The following SLC25A51 variants were observed in gnomAD, a reference collection of about 807,000 sequenced individuals.
SLC25A51 encodes solute carrier family 25 member 51.
Under a neutral mutation model 19.1 loss-of-function variants are expected in SLC25A51, and 11 were observed. That is an observed-to-expected ratio of 0.58 (90% CI 0.36 to 0.96). SLC25A51 has a LOEUF of 0.96. Among genes scored for constraint, SLC25A51 ranks in the 40% least tolerant of loss-of-function variants. The pLI is 0.01. For synonymous variants in SLC25A51, 105 were observed against 133.6 expected (o/e 0.79, Z 1.47); for missense variants, 201 against 365.4 (o/e 0.55, Z 3.67).
chr9:37,879,210 A>C (rs1831306666), downstream of SLC25A51: 1 of 270,226 alleles, frequency 3.7e-6, no homozygotes, highest in Non-Finnish European at 7.8e-6. Context: ...TATTTGTGGC[A>C]GTGGCAGGCA....
At chr9:37,882,533 ACAAC>A (rs960793589) in intron 2 of SLC25A51, among the ~76,000 whole-genome samples, 7 of 152,366 alleles carry the variant, frequency 4.6e-5, no homozygotes, top group African/African-American at 9.6e-5. Context: ...TGGTGATTAC[ACAAC>A]CAACCATGTT....
At chr9:37,885,351 A>C (rs879824376), downstream of SLC25A51, among the ~76,000 whole-genome samples, 804 of 151,296 alleles carry the variant, frequency 5.3e-3, 10 homozygotes, top group Non-Finnish European at 9.6e-3. Flanking sequence ...ATAAAAAAAA[A>C]AAAAAAAAAA....
downstream of SLC25A51, among the ~76,000 whole-genome samples, chr9:37,882,680 C>G (rs1486782775): frequency 6.6e-6 from 1 of 152,150 alleles, no homozygotes; most frequent in Non-Finnish European, 1.5e-5. Context: ...GGGCTCATAC[C>G]ACTCTCAGTG....
intron 2 of SLC25A51, among the ~76,000 whole-genome samples, chr9:37,893,671 C>A (rs79074062): frequency 6.6e-6 from 1 of 152,114 alleles, no homozygotes; most frequent in Non-Finnish European, 1.5e-5. Context: ...GTTACTAATG[C>A]GGTTAGATTA....
At chr9:37,891,865 A>AAT (rs1554693908) in intron 2 of SLC25A51, among the ~76,000 whole-genome samples, 2 of 132,808 alleles carry the variant, frequency 1.5e-5, no homozygotes, top group Non-Finnish European at 3.3e-5. Flanking sequence ...AAAAAAAAAA[A>AAT]TTTTATATAT....
chr9:37,892,273 C>T (rs1831607705), intron 2 of SLC25A51, among the ~76,000 whole-genome samples: 2 of 152,192 alleles, frequency 1.3e-5, no homozygotes, highest in African/African-American at 4.8e-5. Context: ...CAGGACATGA[C>T]CCGTGGGCTC....
intron 2 of SLC25A51, among the ~76,000 whole-genome samples, chr9:37,896,729 G>A (rs1831723463): frequency 6.6e-6 from 1 of 152,218 alleles, no homozygotes; most frequent in African/African-American, 2.4e-5. Flanking sequence ...CCAGGAGGCG[G>A]AGGTTGCAGT....
downstream of SLC25A51, chr9:37,878,233 G>A (rs1831289845): frequency 5.8e-6 from 1 of 173,236 alleles, no homozygotes; most frequent in Non-Finnish European, 1.4e-5. Flanking sequence ...GATTACAGCA[G>A]GAAATGCAGT....
rs939736730 is a variant in SLC25A51 at position 37,880,240 on chromosome 9, G to A, written n.1031C>T. 8 of 150,594 alleles carry A rather than the reference G, an allele frequency of 5.3e-5. No homozygotes were observed. The East Asian group carries it at 1.4e-3, about 26-fold the overall frequency. The allele number at this position is 150,594 out of a possible 1,614,324, so 9.3% of individuals were successfully genotyped here. ...AGGCAGGAGAGTCGCCTGAACACAG[G>A]AGGCAGAGGGTGCAGTGAGCCAAGA... On this transcript the variant is annotated non_coding_transcript_exon_variant, in exon 4 of 4. Coordinates refer to the SLC25A51 transcript ENST00000496760.
At chr9:37,886,718 G>A (rs191634599), downstream of SLC25A51, among the ~76,000 whole-genome samples, 163 of 152,290 alleles carry the variant, frequency 1.1e-3, no homozygotes, top group Non-Finnish European at 1.9e-3. Context: ...AAACTCTGTC[G>A]TTTCATTATT....
intron 1 of SLC25A51, 87 bp from the exon 2 acceptor site, chr9:37,900,037 T>C (rs1215368790): frequency 7.5e-6 from 1 of 133,042 alleles, no homozygotes; most frequent in Non-Finnish European, 1.6e-5. Context: ...AGGGTCTCAC[T>C]ATGTTGTCAA....
intron 2 of SLC25A51, among the ~76,000 whole-genome samples, chr9:37,897,022 C>G (rs1831730432): frequency 6.6e-6 from 1 of 152,140 alleles, no homozygotes; most frequent in African/African-American, 2.4e-5. Flanking sequence ...GAATGACAGA[C>G]AGGACATGAC....
In SLC25A51 at chr9:37,888,319, G is replaced by A. The variant is rs375522315; in HGVS notation, c.232C>T (p.Arg78Ter). ...AILQLRRDGF[R>*]NLYRGILPPL... Reference sequence around the variant, plus strand: ...GGAAGGATTCCACGATACAAATTTCGAAATCCATCCCTTCTCAACTGAAGT... The same window carrying A: ...GGAAGGATTCCACGATACAAATTTCAAAATCCATCCCTTCTCAACTGAAGT... Residue 78 changes from arginine to a stop codon, truncating the protein, a stop_gained, in exon 3 of 3, where the codon CGA becomes TGA. Transcript: ENST00000242275. LOFTEE classifies it high-confidence loss of function. 3 of 1,614,072 alleles carry A rather than the reference G, an allele frequency of 1.9e-6. No individual in the cohort carries two copies. The highest frequency in any genetic ancestry group is 1.7e-6 in the Non-Finnish European group (2 of 1,180,036).
downstream of SLC25A51, chr9:37,885,953 C>A: frequency 1.2e-6 from 2 of 1,613,088 alleles, no homozygotes; most frequent in Non-Finnish European, 1.7e-6. Flanking sequence ...GGAACTAGAA[C>A]GGGACAACAG....
In SLC25A51 at chr9:37,888,362, G is replaced by A. The variant is rs759674617; in HGVS notation, c.189C>T (p.Ile63=). 1.4e-5 allele frequency: 23 copies of A among 1,614,148 alleles called. No individual in the cohort carries two copies. Among genetic ancestry groups the A allele is most frequent in the Non-Finnish European group, 1.9e-5 (23 of 1,180,058 alleles). Residue 63 remains isoleucine (I), a synonymous_variant, in exon 3 of 3, where the codon ATC becomes ATT. Coordinates refer to ENST00000242275, the MANE Select transcript of SLC25A51 (RefSeq NM_033412.4). ...ACTGAAGTATTGCATCCCGGGTTTT[G>A]ATGCCATACAGCTGTTGTCGAAAGA... The part of the protein sequence containing the change: ...KVLFRQQLYG[I]KTRDAILQLR...
At chr9:37,888,674 T>C in intron 2 of SLC25A51, 82 bp from the exon 3 acceptor site, 1 of 1,079,668 alleles carries the variant, frequency 9.3e-7, no homozygotes, top group African/African-American at 1.6e-5. Flanking sequence ...CATCCTCTAA[T>C]ATCTGGACAC....
chr9:37,895,909 G>A (rs1166699021), intron 2 of SLC25A51, among the ~76,000 whole-genome samples: 2 of 151,642 alleles, frequency 1.3e-5, no homozygotes, highest in Non-Finnish European at 2.9e-5. Flanking sequence ...TGCCTTCCTG[G>A]TTCAAGTGAT....
intron 2 of SLC25A51, among the ~76,000 whole-genome samples, chr9:37,889,792 CTCCT>C (rs1415894303): frequency 6.7e-6 from 1 of 149,620 alleles, no homozygotes; most frequent in Non-Finnish European, 1.5e-5. Flanking sequence ...TATAATACAC[CTCCT>C]TCTGTAAAAT....
At chr9:37,885,823 T>C (rs1281924012), downstream of SLC25A51, 6 of 1,606,510 alleles carry the variant, frequency 3.7e-6, no homozygotes, top group African/African-American at 5.4e-5. Flanking sequence ...CGCTTGGATA[T>C]TCGCATGGGC....
Sources: gnomAD v4.1 joint callset for allele counts (sites outside exome capture counted in the v4.1 genomes callset) on GRCh38, gnomAD v4.1.1 for gene constraint, MANE v1.5 for transcripts, NCBI Gene and HGNC (gene_info 2026-07-23, HGNC 2026-07-21) for gene names.